The following MESD variants were observed in gnomAD, a reference collection of about 807,000 sequenced individuals.
The protein encoded by MESD is mesoderm development LRP chaperone.
Under a neutral mutation model 12.9 loss-of-function variants are expected in MESD, and 7 were observed. The ratio of observed to expected loss-of-function variants is 0.54; its 90% CI spans 0.31 to 1.02. The LOEUF is 1.02. Ranked by LOEUF, MESD falls within the 50% of genes least tolerant of loss-of-function variation. MESD has a pLI of 0.05. For synonymous variants in MESD, 126 were observed against 115.6 expected, an observed-to-expected ratio of 1.09 and a Z score of -0.58; for missense variants, 342 against 296.7, an observed-to-expected ratio of 1.15 and a Z score of -1.12.
exon 5 of MESD, chr15:80,948,514 G>T (rs1164614041): frequency 2.1e-5 from 10 of 476,382 alleles, no homozygotes; most frequent in Middle Eastern, 6.0e-4. Context: ...CTCCCTTACA[G>T]TTTGCCCCAT....
exon 5 of MESD, chr15:80,948,127 A>G (rs557103631): frequency 1.3e-5 from 2 of 156,612 alleles, no homozygotes; most frequent in South Asian, 3.8e-4. Context: ...AAGCTGATGT[A>G]TGTAAGGTGA....
At chr15:80,969,608 G>A (rs7177928) in intron 3 of MESD, among the ~76,000 whole-genome samples, 30,244 of 151,988 alleles carry the variant, frequency 0.2, 3,071 homozygotes, top group Middle Eastern at 0.37. Context: ...TAACCCTAGC[G>A]CTTTGGGAGG....
intron 3 of MESD, among the ~76,000 whole-genome samples, chr15:80,957,876 C>A: frequency 7.3e-6 from 1 of 136,702 alleles, no homozygotes; most frequent in African/African-American, 2.6e-5. Context: ...GCGCCACCCA[C>A]CCCCCCACCC....
At chr15:80,980,123 G>T (rs776707950) in intron 2 of MESD, among the ~76,000 whole-genome samples, 1 of 152,158 alleles carries the variant, frequency 6.6e-6, no homozygotes, top group Non-Finnish European at 1.5e-5. Context: ...TACACCACGC[G>T]TTCCCCCTTC....
intron 1 of MESD, 44 bp downstream of exon 1, chr15:80,989,535 T>A (rs1423335617): frequency 3.1e-6 from 5 of 1,589,454 alleles, no homozygotes; most frequent in African/African-American, 1.3e-5. Flanking sequence ...GGGAACAGGG[T>A]CCCGCACAGA....
intron 3 of MESD, chr15:80,953,117 T>C (rs1256218928): frequency 8.8e-6 from 4 of 455,688 alleles, no homozygotes; most frequent in Non-Finnish European, 1.8e-5. Context: ...GAGTGTGGGC[T>C]TGAGAACACC....
chr15:80,981,774 G>C (rs1227441342), intron 2 of MESD, among the ~76,000 whole-genome samples, 176 bp downstream of exon 2: 1 of 152,162 alleles, frequency 6.6e-6, no homozygotes, highest in African/African-American at 2.4e-5. Context: ...AGAATCGCTT[G>C]AACCAGGGAG....
chr15:80,989,379 C>A (rs61021444), intron 1 of MESD, among the ~76,000 whole-genome samples, 200 bp downstream of exon 1: 25,789 of 152,044 alleles, frequency 0.17, 2,318 homozygotes, highest in African/African-American at 0.24. Context: ...TGACAGAGGG[C>A]TGGAGCGAGG....
At position 80,979,133 on chromosome 15, in the gene MESD, T is replaced by C. The variant is rs977606617; in HGVS notation, c.*86A>G. 175 of 1,517,646 alleles carry C rather than the reference T, an allele frequency of 1.2e-4. No homozygotes were observed. The highest frequency in any genetic ancestry group is 3.5e-4 in the Middle Eastern group (2 of 5,640). 94.0% of individuals were successfully genotyped at this position (1,517,646 alleles called of 1,614,324 possible). ...CACTAGAATGTCATCCGGTGTGCAG[T>C]TGCCTGAGACCACTCCCACCCCAGG... On this transcript the variant is annotated 3_prime_UTR_variant, in exon 3 of 3. Coordinates refer to ENST00000261758, the MANE Select transcript of MESD (RefSeq NM_015154.3).
chr15:80,981,673 T>G (rs1902582947), intron 2 of MESD, among the ~76,000 whole-genome samples: 1 of 151,320 alleles, frequency 6.6e-6, no homozygotes, highest in Non-Finnish European at 1.5e-5. Flanking sequence ...CTGGCCAACA[T>G]GGTGAAACCC....
chr15:80,958,971 C>T (rs1314456573), intron 3 of MESD, among the ~76,000 whole-genome samples: 1 of 152,190 alleles, frequency 6.6e-6, no homozygotes, highest in Non-Finnish European at 1.5e-5. Context: ...GGGAGATGCC[C>T]TGAAGGAAAT....
At chr15:80,951,736 T>A (rs1001212534) in intron 4 of MESD, 1 of 152,848 alleles carries the variant, frequency 6.5e-6, no homozygotes, top group African/African-American at 2.4e-5. Flanking sequence ...TTGGAAAAAT[T>A]TTGCTGTTAT....
intron 1 of MESD, 100 bp downstream of exon 1, chr15:80,989,479 T>C (rs1216217129): frequency 5.1e-5 from 68 of 1,343,912 alleles, no homozygotes; most frequent in Non-Finnish European, 4.5e-5. Flanking sequence ...GTAGAGGAGG[T>C]TAGGGGGTCA....
chr15:80,966,667 C>A (rs141911228), intron 3 of MESD, among the ~76,000 whole-genome samples: 1 of 152,344 alleles, frequency 6.6e-6, no homozygotes, highest in Non-Finnish European at 1.5e-5. Flanking sequence ...TTAGTGGCCA[C>A]CTGCTCCAGG....
chr15:80,974,426 A>G (rs956067240), downstream of MESD, among the ~76,000 whole-genome samples: 2 of 152,252 alleles, frequency 1.3e-5, no homozygotes, highest in African/African-American at 4.8e-5. Context: ...AAAAGAATGT[A>G]GCACACAAAT....
chr15:80,974,925 G>C (rs1333834896), downstream of MESD, among the ~76,000 whole-genome samples: 1 of 150,686 alleles, frequency 6.6e-6, no homozygotes, highest in African/African-American at 2.4e-5. Flanking sequence ...CTAAGAAAAA[G>C]CAGTCATAAA....
intron 3 of MESD, among the ~76,000 whole-genome samples, chr15:80,969,281 C>A (rs754124633): frequency 4.6e-5 from 7 of 152,190 alleles, no homozygotes; most frequent in Non-Finnish European, 8.8e-5. Context: ...CCAGAGCTTG[C>A]ACACAGTAGG....
In MESD at chr15:80,978,889, T is replaced by A; in HGVS notation, c.*330A>T. The A allele has an allele frequency of 2.9e-6, 1 of 342,948 alleles. No homozygotes were observed. Among genetic ancestry groups the A allele is most frequent in the Non-Finnish European group, 5.3e-6 (1 of 187,190 alleles). 21.2% of individuals were successfully genotyped at this position (342,948 alleles called of 1,614,324 possible). ...GAGCAGGCCACCCAATCACAGCAGG[T>A]GCTTGGAGGGGAGTGGAATCTCAGT... On this transcript the variant is annotated 3_prime_UTR_variant, in exon 3 of 3. Transcript: ENST00000261758.
chr15:80,980,231 C>T (rs1245987473), intron 2 of MESD, among the ~76,000 whole-genome samples: 1 of 152,194 alleles, frequency 6.6e-6, no homozygotes, highest in Admixed American at 6.5e-5. Context: ...TCTATTTAAG[C>T]TAATTGAAAA....
Sources: allele counts gnomAD v4.1 joint callset (sites outside exome capture counted in the v4.1 genomes callset), GRCh38; gene constraint gnomAD v4.1.1; transcripts MANE v1.5; gene names NCBI Gene and HGNC (gene_info 2026-07-23, HGNC 2026-07-21).